TMEM50B: variants seen among roughly 807,000 people sequenced by gnomAD.
TMEM50B encodes HCV p7-trans-regulated protein 3.
Under a neutral mutation model 23.4 loss-of-function variants are expected in TMEM50B, and 14 were observed. The ratio of observed to expected loss-of-function variants is 0.60; its 90% CI spans 0.39 to 0.93. TMEM50B has a LOEUF of 0.93. TMEM50B is among the 40% of genes least tolerant of loss of function. TMEM50B has a pLI of 0.00. For synonymous variants in TMEM50B, 64 were observed against 62.3 expected, an observed-to-expected ratio of 1.03 and a Z score of -0.13; for missense variants, 159 against 193.0, an observed-to-expected ratio of 0.82 and a Z score of 1.04.
intron 6 of TMEM50B, among the ~76,000 whole-genome samples, chr21:33,452,537 A>C (rs904919382): frequency 6.6e-6 from 1 of 152,234 alleles, no homozygotes; most frequent in African/African-American, 2.4e-5. Flanking sequence ...AAACCTCGGA[A>C]TACATGAAGC....
downstream of TMEM50B, among the ~76,000 whole-genome samples, chr21:33,445,511 A>C (rs1489553716): frequency 6.6e-6 from 1 of 152,280 alleles, no homozygotes; most frequent in Non-Finnish European, 1.5e-5. Context: ...AAAAGTCATC[A>C]TAAGAAATGC....
At chr21:33,455,231 C>T (rs1014174658) in intron 6 of TMEM50B, among the ~76,000 whole-genome samples, 2 of 152,084 alleles carry the variant, frequency 1.3e-5, no homozygotes, top group African/African-American at 4.8e-5. Flanking sequence ...CACTCTATTG[C>T]CCAGGCTGGA....
chr21:33,467,462 A>G (rs2084274802), intron 2 of TMEM50B, among the ~76,000 whole-genome samples: 1 of 152,200 alleles, frequency 6.6e-6, no homozygotes, highest in Admixed American at 6.5e-5. Context: ...CGTTTCTACT[A>G]AAAGTACAAA....
intron 1 of TMEM50B, among the ~76,000 whole-genome samples, chr21:33,474,144 C>A (rs757430016): frequency 6.7e-6 from 1 of 148,492 alleles, no homozygotes; most frequent in South Asian, 2.1e-4. Flanking sequence ...GTGAATGTTA[C>A]AGTATATATA....
At chr21:33,440,756 C>T (rs2084001187) in intron 7 of TMEM50B, among the ~76,000 whole-genome samples, 1 of 151,866 alleles carries the variant, frequency 6.6e-6, no homozygotes, top group African/African-American at 2.4e-5. Flanking sequence ...GTGATGTGTG[C>T]CTGTAATCCC....
intron 1 of TMEM50B, among the ~76,000 whole-genome samples, chr21:33,470,339 C>T (rs547546955): frequency 5.6e-5 from 8 of 144,074 alleles, no homozygotes; most frequent in Non-Finnish European, 1.2e-4. Context: ...GCAGGAGAAT[C>T]GCTTGAACCC....
chr21:33,434,516 C>T (rs1252879664), intron 8 of TMEM50B, among the ~76,000 whole-genome samples: 1 of 151,934 alleles, frequency 6.6e-6, no homozygotes, highest in Admixed American at 6.6e-5. Flanking sequence ...AGCAAGACTC[C>T]ATCTCAAAAA....
intron 5 of TMEM50B, among the ~76,000 whole-genome samples, chr21:33,457,306 T>C (rs184616844): frequency 2.0e-5 from 3 of 152,106 alleles, no homozygotes; most frequent in Admixed American, 6.6e-5. Flanking sequence ...AATAGAAAGA[T>C]GAAATTCACA....
At position 33,460,466 on chromosome 21, in the gene TMEM50B, A is replaced by G. The variant is rs1248642493; in HGVS notation, c.320T>C (p.Phe107Ser). The stretch of plus-strand genomic sequence containing the variant: ...CCACATGGAAGCAATAAGTGACCCA[A>G]ACATCAACATGAAACCAATGAAAAG... The part of the protein sequence containing the change: ...VWLFIGFMLM[F>S]GSLIASMWIL... The change falls in exon 5 of 7, where the codon TTT becomes TCT. Residue 107 changes from phenylalanine (F) to serine (S), a missense_variant. Coordinates refer to ENST00000542230, the MANE Select transcript of TMEM50B (RefSeq NM_006134.7). The G allele has an allele frequency of 1.2e-6, 2 of 1,612,510 alleles. No individual in the cohort carries two copies. The highest frequency in any genetic ancestry group is 1.7e-6 in the Non-Finnish European group (2 of 1,179,530).
At chr21:33,458,368 T>C (rs2084188588) in intron 5 of TMEM50B, among the ~76,000 whole-genome samples, 4 of 152,034 alleles carry the variant, frequency 2.6e-5, no homozygotes, top group Non-Finnish European at 5.9e-5. Flanking sequence ...ACAAAAATTA[T>C]CTGGGCGTGG....
chr21:33,440,799 T>C (rs559287729), intron 7 of TMEM50B, among the ~76,000 whole-genome samples: 1 of 151,848 alleles, frequency 6.6e-6, no homozygotes, highest in Non-Finnish European at 1.5e-5. Flanking sequence ...GGAGAATCAC[T>C]TGAACCTGGG....
chr21:33,450,686 CAG>C lies in TMEM50B; in HGVS notation c.*130_*131del. ...AATTTCATAAAACTATTTCAAAACT[CAG>C]AACATAAAAATGTAAAGAAACAAAA... On this transcript the variant is annotated 3_prime_UTR_variant, in exon 7 of 7. Coordinates refer to ENST00000542230, the MANE Select transcript of TMEM50B (RefSeq NM_006134.7). The C allele has an allele frequency of 1.5e-6, 1 of 656,846 alleles. No individual in the cohort carries two copies. 40.7% of individuals were successfully genotyped at this position (656,846 alleles called of 1,614,324 possible). A position where few individuals can be genotyped will look rare whatever the true frequency, so the allele number is the denominator to read the frequency against.
intron 4 of TMEM50B, among the ~76,000 whole-genome samples, chr21:33,461,825 T>C (rs1397548156): frequency 6.6e-6 from 1 of 151,922 alleles, no homozygotes; most frequent in Non-Finnish European, 1.5e-5. Context: ...ATCCTTACAA[T>C]TATTTTCCAT....
intron 1 of TMEM50B, among the ~76,000 whole-genome samples, chr21:33,477,960 C>A (rs993108545): frequency 2.0e-5 from 3 of 151,464 alleles, no homozygotes; most frequent in Non-Finnish European, 4.4e-5. Context: ...ACGGTGAAAA[C>A]CCGTCTTTAC....
chr21:33,449,952 A>G lies in TMEM50B; in HGVS notation c.*866T>C, dbSNP rs1483420016. ...GATCATGTATTATCCCTTCTCACAT[A>G]AAGTCATATTAGAGGAATTCTTTTT... On this transcript the variant is annotated 3_prime_UTR_variant, in exon 7 of 7. Coordinates refer to ENST00000542230, the MANE Select transcript of TMEM50B (RefSeq NM_006134.7). 1 of 152,642 alleles carries G rather than the reference A, an allele frequency of 6.6e-6. No individual in the cohort carries two copies. Among genetic ancestry groups the G allele is most frequent in the East Asian group, 1.9e-4 (1 of 5,198 alleles). 9.5% of individuals were successfully genotyped at this position (152,642 alleles called of 1,614,324 possible). A position where few individuals can be genotyped will look rare whatever the true frequency, so the allele number is the denominator to read the frequency against.
chr21:33,444,803 C>CAAAAA (rs60816843), downstream of TMEM50B, among the ~76,000 whole-genome samples: 9,949 of 96,040 alleles, frequency 0.1, 905 homozygotes, highest in East Asian at 0.38. Flanking sequence ...CATCTCTTTA[C>CAAAAA]AAAAAAAAAA....
At chr21:33,445,625 T>C (rs1477032517), downstream of TMEM50B, among the ~76,000 whole-genome samples, 2 of 152,112 alleles carry the variant, frequency 1.3e-5, no homozygotes, top group East Asian at 1.9e-4. Context: ...CAAAACCCCA[T>C]CTCTACTAAA....
At chr21:33,455,188 A>T (rs894296623) in intron 6 of TMEM50B, among the ~76,000 whole-genome samples, 5 of 152,110 alleles carry the variant, frequency 3.3e-5, no homozygotes, top group African/African-American at 1.2e-4. Flanking sequence ...TATTTAAAAT[A>T]ATTAAATGCA....
rs193152827 is a variant in TMEM50B at position 33,434,726 on chromosome 21, T to C, written c.*2121-1924A>G. Among the ~76,000 whole-genome samples the C allele has an allele frequency of 5.3e-5, 8 of 152,256 alleles. No homozygotes were observed. The East Asian group carries it at 1.5e-3, about 29-fold the overall frequency. On this transcript the variant is annotated intron_variant and NMD_transcript_variant, in intron 8 of 8. Transcript: ENST00000420455. ...TTGTTCCTTCATCTGCCATGATGTA[T>C]TGTAGGTACACAGGCAGTATACAGA... is the stretch of plus-strand genomic sequence containing the variant.
Sources: allele counts gnomAD v4.1 joint callset (sites outside exome capture counted in the v4.1 genomes callset), GRCh38; gene constraint gnomAD v4.1.1; transcripts MANE v1.5; gene names NCBI Gene and HGNC (gene_info 2026-07-23, HGNC 2026-07-21).